MTSS2: variants seen among roughly 807,000 people sequenced by gnomAD.
MTSS2 encodes the protein protein MTSS 2.
In MTSS2, 27 loss-of-function variants were observed where a neutral mutation model predicts 67.1. That is an observed-to-expected ratio of 0.40 (90% CI 0.30 to 0.55). The LOEUF (loss-of-function observed/expected upper bound fraction) is 0.55, where lower values mean the gene tolerates loss of function less well. Ranked by LOEUF, MTSS2 falls within the 20% of genes least tolerant of loss-of-function variation. The pLI, the probability that MTSS2 is intolerant of heterozygous loss-of-function variation, is 0.43. For missense variants in MTSS2, 1,171 were observed against 1,067.8 expected (o/e 1.10, Z -1.35); for synonymous variants, 624 against 468.6 (o/e 1.33, Z -4.28).
intron 1 of MTSS2, among the ~76,000 whole-genome samples, chr16:70,683,498 T>C (rs934217464): frequency 2.0e-5 from 3 of 152,324 alleles, no homozygotes; most frequent in East Asian, 1.9e-4. Context: ...GTGAAGAGTA[T>C]GACCCCATTT....
chr16:70,665,041 C>T lies in MTSS2; in HGVS notation c.1184G>A (p.Arg395Lys), dbSNP rs1206530606. The T allele has an allele frequency of 8.1e-6, 13 of 1,597,530 alleles. No homozygotes were observed. The South Asian group carries it at 1.3e-4, about 16-fold the overall frequency. ...TCGCAGGAGCTCCACTCGGTCCTTC[C>T]TCCGCTGCAGAGTGGCGCCTGAGGG... The part of the protein sequence containing the change: ...EQPSGATLQR[R>K]KDRVELLRDT... The change falls in exon 13 of 15, where the codon AGG becomes AAG. Residue 395 changes from arginine to lysine, a missense_variant. Arg to Lys is a conservative substitution (Grantham distance 26). Coordinates refer to ENST00000338779, the MANE Select transcript of MTSS2 (RefSeq NM_138383.3).
rs886756812 is a variant in MTSS2, at chr16:70,669,005, C to CCA, written c.1054-3467_1054-3466dup. Among the ~76,000 whole-genome samples the CCA allele has an allele frequency of 6.6e-5, 10 of 152,074 alleles. No individual in the cohort carries two copies. In the East Asian group the frequency reaches 9.6e-4, roughly 15 times the overall value. On this transcript the variant is annotated intron_variant, in intron 11 of 14. Transcript: ENST00000338779. ...TGAAAAAAAGGACCCCTACCTCACACCACACACACACCACACACTCAATTC... is the reference window on the plus strand; with the variant it reads ...TGAAAAAAAGGACCCCTACCTCACACCACACACACACACCACACACTCAATTC...
intron 11 of MTSS2, among the ~76,000 whole-genome samples, chr16:70,670,650 T>C (rs1276031192): frequency 1.3e-5 from 2 of 152,120 alleles, no homozygotes; most frequent in African/African-American, 4.8e-5. Flanking sequence ...ATACATACTA[T>C]ATGATTCCAT....
intron 11 of MTSS2, among the ~76,000 whole-genome samples, chr16:70,669,316 A>G (rs2052838446): frequency 6.6e-6 from 1 of 152,250 alleles, no homozygotes. Flanking sequence ...GAAGACAGAT[A>G]ATCCAGTAGA....
intron 7 of MTSS2, among the ~76,000 whole-genome samples, chr16:70,678,893 T>C (rs1344757423): frequency 6.6e-6 from 1 of 151,974 alleles, no homozygotes; most frequent in Non-Finnish European, 1.5e-5. Context: ...GGTCTCAGTG[T>C]GGGTCCCCAC....
rs1339860526 is a variant in MTSS2 at position 70,661,308 on chromosome 16, G to T, written c.*2369C>A. On this transcript the variant is annotated 3_prime_UTR_variant, in exon 15 of 15. Transcript: ENST00000338779. ...CGGGGAGGATGGTGTGGAGGGGGCGGGGAGGAGAGGAGAATTTTTCCAAAA... is the reference window on the plus strand; with the variant it reads ...CGGGGAGGATGGTGTGGAGGGGGCGTGGAGGAGAGGAGAATTTTTCCAAAA... 3 of 454,558 alleles carry T rather than the reference G, an allele frequency of 6.6e-6. No homozygotes were observed. In the Admixed American group the frequency reaches 7.1e-5, roughly 11 times the overall value. The allele number at this position is 454,558 out of a possible 1,614,324, so 28.2% of individuals were successfully genotyped here. A position where few individuals can be genotyped will look rare whatever the true frequency, so the allele number is the denominator to read the frequency against.
intron 11 of MTSS2, among the ~76,000 whole-genome samples, chr16:70,673,845 G>A (rs2053021315): frequency 6.6e-6 from 1 of 152,070 alleles, no homozygotes; most frequent in Non-Finnish European, 1.5e-5. Flanking sequence ...TATGCATATG[G>A]TAAGATTTCA....
chr16:70,674,525 G>A lies in MTSS2; in HGVS notation c.834C>T (p.Ala278=), dbSNP rs201486872. 2.2e-5 allele frequency: 35 copies of A among 1,612,592 alleles called. No homozygotes were observed. Among genetic ancestry groups the A allele is most frequent in the Admixed American group, 6.7e-5 (4 of 59,950 alleles). The part of the protein sequence containing the change: ...SSSRKSSMCS[A]PSSSSSAKGG... ...CCTTGGCACTGCTACTGCTGCTGGGGGCACTAGGGGAGTGAAGGAAGAGGG... is the reference window on the plus strand; with the variant it reads ...CCTTGGCACTGCTACTGCTGCTGGGAGCACTAGGGGAGTGAAGGAAGAGGG... Residue 278 remains alanine, a synonymous_variant, in exon 11 of 15, where the codon GCC becomes GCT. Transcript: ENST00000338779.
At chr16:70,671,464 G>T (rs761981501) in intron 11 of MTSS2, among the ~76,000 whole-genome samples, 2 of 151,106 alleles carry the variant, frequency 1.3e-5, no homozygotes, top group Non-Finnish European at 2.9e-5. Context: ...TAGAATAAAA[G>T]AAATATTTAT....
intron 11 of MTSS2, among the ~76,000 whole-genome samples, chr16:70,671,573 G>A (rs2052938002): frequency 6.6e-6 from 1 of 152,126 alleles, no homozygotes; most frequent in African/African-American, 2.4e-5. Context: ...AAATGTAGGA[G>A]AAATGACAGA....
chr16:70,685,151 C>T (rs2053412119), intron 1 of MTSS2, among the ~76,000 whole-genome samples: 1 of 149,194 alleles, frequency 6.7e-6, no homozygotes, highest in Non-Finnish European at 1.5e-5. Context: ...CCTTGGGATG[C>T]AGGGACATTC....
intron 9 of MTSS2, among the ~76,000 whole-genome samples, chr16:70,677,379 A>T (rs1316886190): frequency 6.6e-6 from 1 of 152,026 alleles, no homozygotes; most frequent in Non-Finnish European, 1.5e-5. Flanking sequence ...AGGCTGTGGG[A>T]CAGGACTGGT....
intron 10 of MTSS2, among the ~76,000 whole-genome samples, chr16:70,675,375 A>G (rs984763238): frequency 6.6e-6 from 1 of 152,080 alleles, no homozygotes; most frequent in Non-Finnish European, 1.5e-5. Context: ...GTGAGCCATG[A>G]TTGTGCCACT....
chr16:70,685,724 T>C lies in MTSS2; in HGVS notation c.68A>G (p.Lys23Arg), dbSNP rs2053436632. ...GLFQAIVNDM[K>R]SSYPIWEDFN... is the part of the protein sequence containing the mutation. ...CCGGCCCCGCCGCGCCCCGGTTACC[T>C]TCATGTCGTTGACTATGGCCTGGAA... is the stretch of plus-strand genomic sequence containing the variant. The change falls in exon 1 of 15, where the codon AAG becomes AGG. Residue 23 changes from lysine to arginine, a missense_variant and splice_region_variant. By Grantham distance (26) the Lys-to-Arg change is conservative. This residue lies in a region of MTSS2 where 247 missense variants were observed against 311.8 expected (regional missense o/e 0.79). Transcript: ENST00000338779. The C allele has an allele frequency of 1.5e-6, 2 of 1,370,800 alleles. No homozygotes were observed. The highest frequency in any genetic ancestry group is 9.6e-7 in the Non-Finnish European group (1 of 1,041,108). The allele number at this position is 1,370,800 out of a possible 1,614,324, so 84.9% of individuals were successfully genotyped here. A position where few individuals can be genotyped will look rare whatever the true frequency, so the allele number is the denominator to read the frequency against.
rs1402571531 is a variant in MTSS2 at position 70,663,675 on chromosome 16, C to A, written c.*2G>T. ...CCTGAGAGGATGGGGAGGGTGGCGC[C>A]ATCATAAGATGCGGGGCGCCGACCT... On this transcript the variant is annotated 3_prime_UTR_variant, in exon 15 of 15. Coordinates refer to ENST00000338779, the MANE Select transcript of MTSS2 (RefSeq NM_138383.3). 1.3e-6 allele frequency: 2 copies of A among 1,572,696 alleles called. No homozygotes were observed. Among genetic ancestry groups the A allele is most frequent in the East Asian group, 4.6e-5 (2 of 43,100 alleles).
Position 70,680,006 on chromosome 16 carries a change from G to T in MTSS2, c.255C>A (p.His85Gln). 1 of 1,542,086 alleles carries T rather than the reference G, an allele frequency of 6.5e-7. No homozygotes were observed. The highest frequency in any genetic ancestry group is 1.2e-5 in the South Asian group (1 of 85,082). The change falls in exon 4 of 15, where the codon CAC becomes CAA. Residue 85 changes from histidine to glutamine, a missense_variant. By Grantham distance (24) the His-to-Gln change is conservative. Coordinates refer to ENST00000338779, the MANE Select transcript of MTSS2 (RefSeq NM_138383.3). ...GSALTRMCMR[H>Q]RSIETKLRQF... ...GCCGCAGCTTGGTCTCGATGCTGCG[G>T]TGGCGCATGCACATGCGTGTGAGCG... is the stretch of plus-strand genomic sequence containing the variant.
Position 70,664,621 on chromosome 16 carries a change from G to C in MTSS2, c.1448C>G (p.Ser483Cys). ...GCCTTGGGAGGGGATGGTGTCCTCA[G>C]AGCAGGAGGGCGTGGTGGTCTGCGT... ...YSTQTTTPSC[S>C]EDTIPSQGSD... Residue 483 changes from serine (S) to cysteine (C), a missense_variant, in exon 14 of 15, where the codon TCT (serine) becomes TGT (cysteine). By Grantham distance (112) the Ser-to-Cys change is moderately radical. This residue lies in a region of MTSS2 where 924 missense variants were observed against 756.0 expected (regional missense o/e 1.22). Coordinates refer to ENST00000338779, the MANE Select transcript of MTSS2 (RefSeq NM_138383.3). 1 of 1,613,192 alleles carries C rather than the reference G, an allele frequency of 6.2e-7. No homozygotes were observed. Among genetic ancestry groups the C allele is most frequent in the Non-Finnish European group, 8.5e-7 (1 of 1,179,908 alleles).
rs1201236614 is a variant in MTSS2, at chr16:70,678,418, G to A, written c.467-9C>T. The A allele has an allele frequency of 2.5e-6, 4 of 1,605,078 alleles. No homozygotes were observed. Among genetic ancestry groups the A allele is most frequent in the Admixed American group, 3.4e-5 (2 of 59,314 alleles). Reference sequence around the variant, plus strand: ...CTGCAGGTCTCCTTTCCCTGGAGGGGTGGGGAGGAGAGGCCTTGCTGGGGA... The same window carrying A: ...CTGCAGGTCTCCTTTCCCTGGAGGGATGGGGAGGAGAGGCCTTGCTGGGGA... On this transcript the variant is annotated splice_polypyrimidine_tract_variant and intron_variant, in intron 7 of 14. Coordinates refer to ENST00000338779, the MANE Select transcript of MTSS2 (RefSeq NM_138383.3).
chr16:70,663,631 C>G lies in MTSS2; in HGVS notation c.*46G>C. 6.6e-7 allele frequency: 1 copy of G among 1,505,308 alleles called. No homozygotes were observed. Among genetic ancestry groups the G allele is most frequent in the Non-Finnish European group, 8.9e-7 (1 of 1,126,304 alleles). 93.2% of individuals were successfully genotyped at this position (1,505,308 alleles called of 1,614,324 possible). On this transcript the variant is annotated 3_prime_UTR_variant, in exon 15 of 15. Coordinates refer to ENST00000338779, the MANE Select transcript of MTSS2 (RefSeq NM_138383.3). The stretch of plus-strand genomic sequence containing the variant: ...GAGTGCCTGCGGCTCACAGACCAGG[C>G]CACCTGCTCGCACTGGGGCCTGAGA...
Sources: allele counts gnomAD v4.1 joint callset (sites outside exome capture counted in the v4.1 genomes callset), GRCh38; gene constraint gnomAD v4.1.1; regional missense constraint gnomAD v4.1.1; transcripts MANE v1.5; gene names NCBI Gene and HGNC (gene_info 2026-07-23, HGNC 2026-07-21).